The following FOXP1 variants were observed in gnomAD, a reference collection of about 807,000 sequenced individuals.
FOXP1 encodes the protein forkhead box P1.
In FOXP1, 15 loss-of-function variants were observed where a neutral mutation model predicts 98.2. The ratio of observed to expected loss-of-function variants is 0.15; its 90% CI spans 0.10 to 0.24. The LOEUF is 0.24. Ranked by LOEUF, FOXP1 falls within the 10% of genes least tolerant of loss-of-function variation. The probability of loss-of-function intolerance (pLI) is 1.00; values close to 1 mark genes in which losing one functional copy is unlikely to be tolerated. For synonymous variants in FOXP1, 371 were observed against 314.5 expected (o/e 1.18, Z -1.90); for missense variants, 633 against 848.5 (o/e 0.75, Z 3.15).
chr3:71,394,880 C>T (rs983443758), intron 3 of FOXP1, among the ~76,000 whole-genome samples: 6 of 152,056 alleles, frequency 3.9e-5, no homozygotes, highest in Non-Finnish European at 7.4e-5. Flanking sequence ...ACGGGCAGAT[C>T]ACCTGAGGTC....
chr3:70,959,069 C>T lies in FOXP1; in HGVS notation c.*178G>A. ...ACAAAAAGTAGAAAAATCAAAAATA[C>T]TCCCAAATGGGGTTCTTGATGGCAC... On this transcript the variant is annotated 3_prime_UTR_variant, in exon 21 of 21. Coordinates refer to ENST00000649528, the MANE Select transcript of FOXP1 (RefSeq NM_001349338.3). The T allele has an allele frequency of 1.5e-6, 1 of 672,066 alleles. No individual in the cohort carries two copies. Among genetic ancestry groups the T allele is most frequent in the South Asian group, 1.9e-5 (1 of 51,920 alleles). 41.6% of individuals were successfully genotyped at this position (672,066 alleles called of 1,614,324 possible).
chr3:71,343,548 A>G (rs1426259900), intron 4 of FOXP1, among the ~76,000 whole-genome samples: 1 of 130,324 alleles, frequency 7.7e-6, no homozygotes, highest in African/African-American at 2.7e-5. Flanking sequence ...TTTAAATCTC[A>G]ATTAGATTTT....
rs187666567 is a variant in FOXP1, at chr3:70,959,396, A to G, written c.1890-5T>C. On this transcript the variant is annotated splice_region_variant and splice_polypyrimidine_tract_variant and intron_variant, in intron 20 of 20. Transcript: ENST00000649528. ...TCTTTGACGTGTACAGGATGCCTGG[A>G]AAAAATATGCAGAGGTTCAGTGAGG... 6.3e-4 allele frequency: 1,015 copies of G among 1,613,888 alleles called. 9 individuals carry two copies. In the East Asian group the frequency reaches 0.012, roughly 18 times the overall value.
At chr3:71,101,846 C>T (rs191285355) in intron 7 of FOXP1, among the ~76,000 whole-genome samples, 1 of 152,222 alleles carries the variant, frequency 6.6e-6, no homozygotes, top group South Asian at 2.1e-4. Context: ...CACCGCTAAA[C>T]GTTGAGCTCT....
At chr3:71,056,341 C>G (rs1029173929) in intron 7 of FOXP1, among the ~76,000 whole-genome samples, 1 of 152,254 alleles carries the variant, frequency 6.6e-6, no homozygotes, top group Admixed American at 6.5e-5. Flanking sequence ...CCTGTACAGA[C>G]AATTTTTAAA....
intron 1 of FOXP1, chr3:71,582,474 C>A: frequency 6.1e-6 from 6 of 985,364 alleles, no homozygotes; most frequent in Non-Finnish European, 7.2e-6. Context: ...GCGCAGGGAG[C>A]TCGGGAGGAA....
intron 4 of FOXP1, among the ~76,000 whole-genome samples, chr3:71,321,670 G>A (rs553287511): frequency 8.0e-5 from 12 of 150,540 alleles, no homozygotes; most frequent in South Asian, 6.3e-4. Flanking sequence ...TGCCCAGGCC[G>A]GAGTGCAGTG....
chr3:71,423,572 A>G (rs17008640), intron 3 of FOXP1, among the ~76,000 whole-genome samples: 29,638 of 152,242 alleles, frequency 0.19, 3,081 homozygotes, highest in African/African-American at 0.25. Flanking sequence ...ATGCTCAGAC[A>G]TGGTTCTACC....
At chr3:71,263,795 G>A (rs1460932407) in intron 5 of FOXP1, among the ~76,000 whole-genome samples, 3 of 151,858 alleles carry the variant, frequency 2.0e-5, no homozygotes, top group Non-Finnish European at 4.4e-5. Context: ...CCACGCTGGA[G>A]TGCAATGGAG....
At chr3:71,075,865 C>T (rs1172245729) in intron 7 of FOXP1, among the ~76,000 whole-genome samples, 1 of 152,142 alleles carries the variant, frequency 6.6e-6, no homozygotes, top group Admixed American at 6.5e-5. Context: ...CAGGTATGAA[C>T]CACCAGGCCT....
At chr3:71,369,996 G>A (rs1304727483) in intron 3 of FOXP1, among the ~76,000 whole-genome samples, 3 of 152,188 alleles carry the variant, frequency 2.0e-5, no homozygotes, top group South Asian at 2.1e-4. Flanking sequence ...AGATTTCGTG[G>A]AAGAAATGAC....
intron 3 of FOXP1, among the ~76,000 whole-genome samples, chr3:71,390,724 T>C (rs1193309626): frequency 6.6e-6 from 1 of 152,248 alleles, no homozygotes; most frequent in East Asian, 1.9e-4. Flanking sequence ...ACATGGCAAC[T>C]TCTTGCAGAC....
At chr3:71,196,358 A>C (rs2063299493) in intron 6 of FOXP1, among the ~76,000 whole-genome samples, 1 of 152,148 alleles carries the variant, frequency 6.6e-6, no homozygotes, top group African/African-American at 2.4e-5. Flanking sequence ...CCAATTTGTT[A>C]TCACTGTTGT....
chr3:71,582,527 A>G (rs2048269281), intron 1 of FOXP1: 1 of 985,456 alleles, frequency 1.0e-6, no homozygotes. Context: ...GGCCGCCAGG[A>G]CAGGGCCGGA....
At chr3:71,071,635 C>A (rs1463615252) in intron 7 of FOXP1, among the ~76,000 whole-genome samples, 2 of 152,092 alleles carry the variant, frequency 1.3e-5, no homozygotes, top group Admixed American at 1.3e-4. Flanking sequence ...AGTGCAATGG[C>A]GCATCTTGGC....
chr3:71,273,404 C>T (rs1263325786), intron 5 of FOXP1, among the ~76,000 whole-genome samples: 1 of 152,226 alleles, frequency 6.6e-6, no homozygotes, highest in Non-Finnish European at 1.5e-5. Context: ...CAGGCCCTCA[C>T]CCTTCCTCCT....
intron 6 of FOXP1, among the ~76,000 whole-genome samples, chr3:71,158,834 G>A (rs1158718888): frequency 6.6e-6 from 1 of 151,900 alleles, no homozygotes; most frequent in Non-Finnish European, 1.5e-5. Context: ...GGCCAAGCAA[G>A]GTGGCTCATG....
At chr3:71,199,108 C>T (rs2063492677) in intron 5 of FOXP1, among the ~76,000 whole-genome samples, 1 of 114,618 alleles carries the variant, frequency 8.7e-6, no homozygotes. Context: ...GTTGGTATTA[C>T]ACTTTTTTTT....
intron 11 of FOXP1, among the ~76,000 whole-genome samples, chr3:71,041,098 C>T (rs1026214659): frequency 1.3e-5 from 2 of 152,110 alleles, no homozygotes; most frequent in East Asian, 1.9e-4. Context: ...GACTTCTGCC[C>T]GGGTTCCTAA....
Sources: gnomAD v4.1 joint callset for allele counts (sites outside exome capture counted in the v4.1 genomes callset) on GRCh38, gnomAD v4.1.1 for gene constraint, MANE v1.5 for transcripts, NCBI Gene and HGNC (gene_info 2026-07-23, HGNC 2026-07-21) for gene names.